The following MYC variants were observed in gnomAD, a reference collection of about 807,000 sequenced individuals.
MYC encodes the protein myc proto-oncogene protein.
In MYC, 1 loss-of-function variant was observed where a neutral mutation model predicts 30.5. That is an observed-to-expected ratio of 0.03 (90% CI 0.01 to 0.16). The LOEUF is 0.16. MYC is among the 10% of genes least tolerant of loss of function. The probability of loss-of-function intolerance (pLI) is 1.00; values close to 1 mark genes in which losing one functional copy is unlikely to be tolerated. For synonymous variants in MYC, 267 were observed against 250.7 expected (o/e 1.07, Z -0.62); for missense variants, 508 against 589.0 (o/e 0.86, Z 1.42).
chr8:127,736,109 C>G, upstream of MYC: 1 of 425,166 alleles, frequency 2.4e-6, no homozygotes, highest in Non-Finnish European at 4.1e-6. Flanking sequence ...ACCGCCGGGC[C>G]CCGGCCGTCC....
chr8:127,740,942 G>A lies in MYC; in HGVS notation c.1349G>A (p.Arg450Gln), dbSNP rs1813700950. ...TTGAAACACAAACTTGAACAGCTAC[G>A]GAACTCTTGTGCGTAAGGAAAAGTA... is the stretch of plus-strand genomic sequence containing the variant. The change falls in exon 3 of 3, where the codon CGG becomes CAG. Residue 450 changes from arginine (R) to glutamine (Q), a missense_variant. This residue lies in a region of MYC where 31 missense variants were observed against 28.3 expected (regional missense o/e 1.09). Coordinates refer to ENST00000621592, the MANE Select transcript of MYC (RefSeq NM_002467.6). The A allele has an allele frequency of 3.2e-6, 5 of 1,573,340 alleles. No individual in the cohort carries two copies. The South Asian group carries it at 3.5e-5, about 11-fold the overall frequency.
Position 127,736,414 on chromosome 8 carries a change from G to A in MYC, c.-180G>A, listed in dbSNP as rs911568835. 2.3e-5 allele frequency: 15 copies of A among 656,998 alleles called. No homozygotes were observed. The highest frequency in any genetic ancestry group is 3.2e-5 in the Non-Finnish European group (12 of 380,728). 40.7% of individuals were successfully genotyped at this position (656,998 alleles called of 1,614,324 possible). A position where few individuals can be genotyped will look rare whatever the true frequency, so the allele number is the denominator to read the frequency against. On this transcript the variant is annotated 5_prime_UTR_variant, in exon 1 of 3. Coordinates refer to ENST00000621592, the MANE Select transcript of MYC (RefSeq NM_002467.6). ...CCCCAGCCAGCGGTCCGCAACCCTTGCCGCATCCACGAAACTTTGCCCATA... is the reference window on the plus strand; with the variant it reads ...CCCCAGCCAGCGGTCCGCAACCCTTACCGCATCCACGAAACTTTGCCCATA...
At position 127,740,531 on chromosome 8, in the gene MYC, A is replaced by G. The variant is rs1157474201; in HGVS notation, c.938A>G (p.Lys313Arg). The G allele has an allele frequency of 2.5e-6, 4 of 1,614,084 alleles. No homozygotes were observed. Among genetic ancestry groups the G allele is most frequent in the Non-Finnish European group, 3.4e-6 (4 of 1,180,026 alleles). ...CCTCCTCACAGCCCACTGGTCCTCA[A>G]GAGGTGCCACGTCTCCACACATCAG... Residue 313 changes from lysine (K) to arginine (R), a missense_variant, in exon 3 of 3, where the codon AAG becomes AGG. Coordinates refer to ENST00000621592, the MANE Select transcript of MYC (RefSeq NM_002467.6).
At position 127,741,484 on chromosome 8, in the gene MYC, C is replaced by T. The variant is rs1813711662; in HGVS notation, c.*526C>T. The T allele has an allele frequency of 5.0e-6, 1 of 200,996 alleles. No individual in the cohort carries two copies. The highest frequency in any genetic ancestry group is 1.0e-5 in the Non-Finnish European group (1 of 98,048). 12.5% of individuals were successfully genotyped at this position (200,996 alleles called of 1,614,324 possible). A position where few individuals can be genotyped will look rare whatever the true frequency, so the allele number is the denominator to read the frequency against. Reference sequence around the variant, plus strand: ...TTCCCCCTCCCAACCACCACCATCCCTGTTTGTTTTCATCAATTGCCCCTT... The same window carrying T: ...TTCCCCCTCCCAACCACCACCATCCTTGTTTGTTTTCATCAATTGCCCCTT... On this transcript the variant is annotated 3_prime_UTR_variant, in exon 3 of 3. Transcript: ENST00000621592.
In MYC at chr8:127,742,873, A is replaced by C. The variant is rs1398551203; in HGVS notation, c.*1915A>C. Reference sequence around the variant, plus strand: ...TAATTACCTCATTGTCTCAGTCTCAAAGTAGGTCTTCAGCTCCCTGTACTT... The same window carrying C: ...TAATTACCTCATTGTCTCAGTCTCACAGTAGGTCTTCAGCTCCCTGTACTT... On this transcript the variant is annotated 3_prime_UTR_variant, in exon 3 of 3. Coordinates refer to ENST00000621592, the MANE Select transcript of MYC (RefSeq NM_002467.6). Among the ~76,000 whole-genome samples the C allele has an allele frequency of 6.6e-6, 1 of 152,200 alleles. No individual in the cohort carries two copies. Among genetic ancestry groups the C allele is most frequent in the Non-Finnish European group, 1.5e-5 (1 of 68,036 alleles).
rs1245727201 is a variant in MYC, at chr8:127,742,113, G to A, written c.*1155G>A. ...GGGTCTAATGTGCTGAGATCAAGAA[G>A]GTTTAGGACCTAATGGACAGACTCA... On this transcript the variant is annotated 3_prime_UTR_variant, in exon 3 of 3. Transcript: ENST00000621592. Among the ~76,000 whole-genome samples, 6 of 152,212 alleles carry A rather than the reference G, an allele frequency of 3.9e-5. No individual in the cohort carries two copies. The East Asian group carries it at 1.2e-3, about 29-fold the overall frequency.
At chr8:127,736,098 C>T, upstream of MYC, 1 of 424,878 alleles carries the variant, frequency 2.4e-6, no homozygotes, top group South Asian at 8.9e-5. Context: ...TCGCGGCCGC[C>T]ACCGCCGGGC....
At chr8:127,737,042 G>A (rs1813603893) in intron 1 of MYC, among the ~76,000 whole-genome samples, 1 of 152,236 alleles carries the variant, frequency 6.6e-6, no homozygotes, top group Admixed American at 6.5e-5. Flanking sequence ...TCGCCTGTGT[G>A]AGCCAGATCG....
intron 2 of MYC, among the ~76,000 whole-genome samples, chr8:127,739,694 G>A (rs1813675746): frequency 6.6e-6 from 1 of 151,606 alleles, no homozygotes; most frequent in Admixed American, 6.6e-5. Context: ...GTAAAATAGG[G>A]AGTTGCTAAA....
At chr8:127,740,262 C>T (rs1813686613) in intron 2 of MYC, 134 bp from the exon 3 acceptor site, 1 of 947,520 alleles carries the variant, frequency 1.1e-6, no homozygotes, top group South Asian at 1.7e-5. Context: ...TTAGATGTGG[C>T]TCTTTGGGGA....
rs143798928 is a variant in MYC, at chr8:127,742,053, C to T, written c.*1095C>T. Among the ~76,000 whole-genome samples, 111 of 152,362 alleles carry T rather than the reference C, an allele frequency of 7.3e-4. 1 individual carries two copies. Among genetic ancestry groups the T allele is most frequent in the African/African-American group, 2.5e-3 (105 of 41,586 alleles). On this transcript the variant is annotated 3_prime_UTR_variant, in exon 3 of 3. Transcript: ENST00000621592. ...CAATCTGGACCCATTCTGTTCAAAA[C>T]ACTTAACCCTTCGCTATCATGCCTT...
chr8:127,736,822 GA>G (rs1813599967), intron 1 of MYC, among the ~76,000 whole-genome samples, 199 bp downstream of exon 1: 1 of 152,178 alleles, frequency 6.6e-6, no homozygotes, highest in Admixed American at 6.5e-5. Flanking sequence ...CAAGATGGGA[GA>G]GGAGAAGGCA....
In MYC at chr8:127,741,369, AT is replaced by A. The variant is rs562624244; in HGVS notation, c.*418del. 2.6e-5 allele frequency: 6 copies of A among 230,604 alleles called. No individual in the cohort carries two copies. The highest frequency in any genetic ancestry group is 5.2e-5 in the Non-Finnish European group (6 of 116,428). 14.3% of individuals were successfully genotyped at this position (230,604 alleles called of 1,614,324 possible). On this transcript the variant is annotated 3_prime_UTR_variant, in exon 3 of 3. Coordinates refer to ENST00000621592, the MANE Select transcript of MYC (RefSeq NM_002467.6). ...AAGTACATTTTGCTTTTTAAAGTTG[AT>A]TTTTTTCTATTGTTTTTAGAAAAAA...
chr8:127,740,201 C>G (rs1813685358), intron 2 of MYC, among the ~76,000 whole-genome samples, 195 bp from the exon 3 acceptor site: 1 of 152,092 alleles, frequency 6.6e-6, no homozygotes, highest in Non-Finnish European at 1.5e-5. Flanking sequence ...GATCCGCCCA[C>G]CTCGGCCTCC....
chr8:127,738,516 A>G lies in MYC; in HGVS notation c.299A>G (p.Asp100Gly), dbSNP rs979999500. 1 of 1,610,764 alleles carries G rather than the reference A, an allele frequency of 6.2e-7. No homozygotes were observed. Among genetic ancestry groups the G allele is most frequent in the Middle Eastern group, 1.7e-4 (1 of 6,052 alleles). The stretch of plus-strand genomic sequence containing the variant: ...GTCACACCCTTCTCCCTTCGGGGAG[A>G]CAACGACGGCGGTGGCGGGAGCTTC... Residue 100 changes from aspartate to glycine, a missense_variant, in exon 2 of 3, where the codon GAC becomes GGC. Physicochemically the swap from Asp to Gly is moderately conservative, Grantham distance 94. Coordinates refer to ENST00000621592, the MANE Select transcript of MYC (RefSeq NM_002467.6). This position sits in a 1 kb window ranked among gnomAD's most constrained non-coding sequence, Gnocchi z 7.6.
chr8:127,736,018 G>A (rs1270937748), upstream of MYC: 1 of 338,760 alleles, frequency 3.0e-6, no homozygotes, highest in East Asian at 4.2e-5. Context: ...ATCCTCTCTC[G>A]CTAATCTCCG....
rs1398605629 is a variant in MYC, at chr8:127,741,833, T to A, written c.*875T>A. Reference sequence around the variant, plus strand: ...CTCCAAACCCAGGAATTCTGCCCAGTTGATGGGGACACGGTGGGAACCAGC... The same window carrying A: ...CTCCAAACCCAGGAATTCTGCCCAGATGATGGGGACACGGTGGGAACCAGC... On this transcript the variant is annotated 3_prime_UTR_variant, in exon 3 of 3. Coordinates refer to ENST00000621592, the MANE Select transcript of MYC (RefSeq NM_002467.6). Among the ~76,000 whole-genome samples, 1 of 152,172 alleles carries A rather than the reference T, an allele frequency of 6.6e-6. No homozygotes were observed. Among genetic ancestry groups the A allele is most frequent in the Non-Finnish European group, 1.5e-5 (1 of 68,034 alleles).
upstream of MYC, chr8:127,735,678 GC>G: frequency 2.5e-6 from 1 of 399,004 alleles, no homozygotes. Context: ...TACGCGCGTG[GC>G]GTGGCGGTGG....
At position 127,738,905 on chromosome 8, in the gene MYC, G is replaced by C. The variant is rs1476455361; in HGVS notation, c.688G>C (p.Ala230Pro). ...GTCCTGCGCCTCGCAAGACTCCAGC[G>C]CCTTCTCTCCGTCCTCGGATTCTCT... The change falls in exon 2 of 3, where the codon GCC becomes CCC. Residue 230 changes from alanine to proline, a missense_variant. Transcript: ENST00000621592. The surrounding 1 kb of genome is among the most constrained non-coding windows in gnomAD (Gnocchi z 7.6). 6.2e-7 allele frequency: 1 copy of C among 1,610,992 alleles called. No homozygotes were observed.
Sources: allele counts gnomAD v4.1 joint callset (sites outside exome capture counted in the v4.1 genomes callset), GRCh38; gene constraint gnomAD v4.1.1; regional missense constraint gnomAD v4.1.1; non-coding constraint Gnocchi (gnomAD v3.1); transcripts MANE v1.5; gene names NCBI Gene and HGNC (gene_info 2026-07-23, HGNC 2026-07-21).